Variants in ZNF385D observed in about 807,000 individuals in gnomAD.
ZNF385D encodes zinc finger protein 385D.
In ZNF385D, 15 loss-of-function variants were observed where a neutral mutation model predicts 35.8. That is an observed-to-expected ratio of 0.42 (90% CI 0.28 to 0.64). ZNF385D has a LOEUF of 0.64. Among genes scored for constraint, ZNF385D ranks in the 30% least tolerant of loss-of-function variants. The pLI is 0.23. For missense variants in ZNF385D, 474 were observed against 494.6 expected (o/e 0.96, Z 0.39); for synonymous variants, 212 against 186.8 (o/e 1.13, Z -1.10).
chr3:21,778,696 ATAATT>A (rs1209475224), intron 3 of ZNF385D, among the ~76,000 whole-genome samples: 1 of 151,980 alleles, frequency 6.6e-6, no homozygotes, highest in African/African-American at 2.4e-5. Context: ...ATTTAATTTT[ATAATT>A]TAATTAAAAT....
chr3:22,095,288 T>A (rs549585658), intron 3 of ZNF385D, among the ~76,000 whole-genome samples: 1 of 152,054 alleles, frequency 6.6e-6, no homozygotes, highest in East Asian at 1.9e-4. Context: ...ATTATTATTT[T>A]ATTTCTTTAT....
intron 3 of ZNF385D, among the ~76,000 whole-genome samples, chr3:21,844,105 T>C (rs1695850761): frequency 6.6e-6 from 1 of 151,982 alleles, no homozygotes; most frequent in African/African-American, 2.4e-5. Flanking sequence ...ATTTAACATA[T>C]ATTTTACGGG....
intron 3 of ZNF385D, among the ~76,000 whole-genome samples, chr3:21,528,385 T>G (rs758855139): frequency 6.6e-6 from 1 of 152,180 alleles, no homozygotes; most frequent in Non-Finnish European, 1.5e-5. Flanking sequence ...GTTCACTGGC[T>G]ACTTGACTGA....
In ZNF385D at chr3:22,235,498, C is replaced by CA. The variant is rs1699129021; in HGVS notation, c.107-66464dup. ...GAATCTTCAGTGTGTCCAAAATACCCAAAACAATGCCAAAATGACAACTAG... is the reference window on the plus strand; with the variant it reads ...GAATCTTCAGTGTGTCCAAAATACCCAAAAACAATGCCAAAATGACAACTAG... On this transcript the variant is annotated intron_variant, in intron 2 of 5. Coordinates refer to the ZNF385D transcript ENST00000494108. Among the ~76,000 whole-genome samples the CA allele has an allele frequency of 2.0e-5, 3 of 151,948 alleles. No homozygotes were observed. The South Asian group carries it at 6.2e-4, about 31-fold the overall frequency.
intron 3 of ZNF385D, among the ~76,000 whole-genome samples, chr3:21,847,565 C>A (rs1303596512): frequency 1.3e-5 from 2 of 152,000 alleles, no homozygotes; most frequent in East Asian, 3.9e-4. Flanking sequence ...ATAATTACAT[C>A]ATGGGTGTAG....
intron 3 of ZNF385D, among the ~76,000 whole-genome samples, chr3:22,095,761 T>C (rs1028315437): frequency 2.0e-5 from 3 of 151,996 alleles, no homozygotes; most frequent in African/African-American, 7.2e-5. Context: ...TTATGTGGCA[T>C]CAGTTAGCAT....
chr3:22,325,452 A>G (rs1455775795), intron 2 of ZNF385D, among the ~76,000 whole-genome samples: 3 of 152,174 alleles, frequency 2.0e-5, no homozygotes, highest in East Asian at 1.9e-4. Flanking sequence ...TTACCTATCA[A>G]TGTATTTAAT....
intron 2 of ZNF385D, among the ~76,000 whole-genome samples, chr3:22,235,942 C>T (rs1032315523): frequency 6.6e-6 from 1 of 152,058 alleles, no homozygotes; most frequent in Non-Finnish European, 1.5e-5. Context: ...TGCACATGCA[C>T]TTTAACTCAT....
intron 3 of ZNF385D, among the ~76,000 whole-genome samples, chr3:21,944,065 TTATA>T (rs746643878): frequency 6.6e-6 from 1 of 152,196 alleles, no homozygotes; most frequent in East Asian, 1.9e-4. Flanking sequence ...TACCATTTAT[TTATA>T]TTTTCAGCTG....
rs114220331 is a variant in ZNF385D at position 21,840,822 on chromosome 3, C to T, written c.326-175794G>A. On this transcript the variant is annotated intron_variant, in intron 3 of 5. Transcript: ENST00000494108. ...CCCCTTATGTCAATCACTACATATACTTATTATATTGAAAATGCTGAGAGG... is the reference window on the plus strand; with the variant it reads ...CCCCTTATGTCAATCACTACATATATTTATTATATTGAAAATGCTGAGAGG... 9.1e-3 allele frequency among the ~76,000 whole-genome samples: 1,382 copies of T among 152,040 alleles called. 15 individuals are homozygous for T. Among genetic ancestry groups the T allele is most frequent in the African/African-American group, 0.031 (1,305 of 41,502 alleles).
rs571054247 is a variant in ZNF385D, at chr3:21,799,296, G to A, written c.326-134268C>T. On this transcript the variant is annotated intron_variant, in intron 3 of 5. Coordinates refer to the ZNF385D transcript ENST00000494108. ...TTTTGGAATGCTTGTTTTCTTTTGG[G>A]GATCTACCTAAGAGTGGAATTGCCA... Among the ~76,000 whole-genome samples the A allele has an allele frequency of 9.2e-5, 14 of 152,096 alleles. No homozygotes were observed. The South Asian group carries it at 1.5e-3, about 16-fold the overall frequency.
At chr3:21,912,603 C>T (rs776962448) in intron 3 of ZNF385D, among the ~76,000 whole-genome samples, 1 of 152,016 alleles carries the variant, frequency 6.6e-6, no homozygotes, top group Non-Finnish European at 1.5e-5. Context: ...GAGACAGATA[C>T]AGATTGTGCA....
Position 21,810,017 on chromosome 3 carries a change from G to A in ZNF385D, c.326-144989C>T, listed in dbSNP as rs191089880. ...ATATCTTCCAGAAAATAGGAGAGAA[G>A]GGAAACTTTCCAATTTGTTATAACA... is the stretch of plus-strand genomic sequence containing the variant. On this transcript the variant is annotated intron_variant, in intron 3 of 5. Transcript: ENST00000494108. Among the ~76,000 whole-genome samples the A allele has an allele frequency of 1.9e-4, 29 of 152,092 alleles. No homozygotes were observed. The East Asian group carries it at 5.2e-3, about 27-fold the overall frequency.
At chr3:22,258,239 G>A (rs887379039) in intron 2 of ZNF385D, among the ~76,000 whole-genome samples, 3 of 151,706 alleles carry the variant, frequency 2.0e-5, no homozygotes, top group Non-Finnish European at 4.4e-5. Context: ...ATACTGTGAA[G>A]AAGCTTTAAA....
intron 3 of ZNF385D, among the ~76,000 whole-genome samples, chr3:21,973,461 C>G (rs941933131): frequency 6.6e-6 from 1 of 151,910 alleles, no homozygotes; most frequent in African/African-American, 2.4e-5. Flanking sequence ...CCGCTAGTAT[C>G]ATATTGAACA....
At chr3:21,422,203 T>C (rs1666066785) in intron 7 of ZNF385D, among the ~76,000 whole-genome samples, 1 of 152,186 alleles carries the variant, frequency 6.6e-6, no homozygotes, top group Admixed American at 6.5e-5. Flanking sequence ...ACTCTGTTTA[T>C]TTAAGAACCA....
chr3:21,674,826 A>T (rs1391042582), intron 1 of ZNF385D, among the ~76,000 whole-genome samples: 1 of 152,044 alleles, frequency 6.6e-6, no homozygotes. Context: ...TATCTGTTCC[A>T]TTCATTCTTG....
chr3:21,492,757 C>G (rs1705528506), intron 4 of ZNF385D, among the ~76,000 whole-genome samples: 1 of 141,262 alleles, frequency 7.1e-6, no homozygotes, highest in Non-Finnish European at 1.5e-5. Context: ...GCACTCCAGC[C>G]TAGCAAGACT....
chr3:21,928,892 A>G (rs1446126267), intron 3 of ZNF385D, among the ~76,000 whole-genome samples: 1 of 152,156 alleles, frequency 6.6e-6, no homozygotes, highest in Non-Finnish European at 1.5e-5. Context: ...GAATTCTGTC[A>G]AACAATTTAA....
Sources: gnomAD v4.1 joint callset for allele counts (sites outside exome capture counted in the v4.1 genomes callset) on GRCh38, gnomAD v4.1.1 for gene constraint, MANE v1.5 for transcripts, NCBI Gene and HGNC (gene_info 2026-07-23, HGNC 2026-07-21) for gene names.